The following PADI6 variants were observed in gnomAD, a reference collection of about 807,000 sequenced individuals.
PADI6 encodes the protein inactive protein-arginine deiminase type-6.
A neutral mutation model predicts 78.2 loss-of-function variants in PADI6; 66 were observed. That is an observed-to-expected ratio of 0.84 (90% CI 0.69 to 1.04). The LOEUF (loss-of-function observed/expected upper bound fraction) is 1.04. PADI6 is among the 50% of genes least tolerant of loss of function. PADI6 has a pLI of 0.00. For missense variants in PADI6, 854 were observed against 866.1 expected (o/e 0.99, Z 0.18); for synonymous variants, 397 against 346.9 (o/e 1.14, Z -1.60).
chr1:17,375,572 A>C, intron 3 of PADI6, 73 bp downstream of exon 3: 1 of 1,372,646 alleles, frequency 7.3e-7, no homozygotes, highest in Non-Finnish European at 1.0e-6. Context: ...GGATTGTAGG[A>C]GGAGCCAAAA....
chr1:17,388,040 G>A (rs547473517), intron 6 of PADI6, among the ~76,000 whole-genome samples: 15 of 152,210 alleles, frequency 9.9e-5, no homozygotes, highest in East Asian at 1.9e-4. Context: ...TGATATTATC[G>A]CAGGAGTTGG....
At chr1:17,375,975 CT>C (rs575076756) in intron 3 of PADI6, among the ~76,000 whole-genome samples, 2 of 150,352 alleles carry the variant, frequency 1.3e-5, no homozygotes, top group East Asian at 1.9e-4. Context: ...ATAACATCTA[CT>C]TTTTTTTTCT....
At position 17,372,321 on chromosome 1, in the gene PADI6, G is replaced by A. The variant is rs762417543; in HGVS notation, c.76G>A (p.Val26Ile). The A allele has an allele frequency of 1.8e-5, 29 of 1,613,872 alleles. No individual in the cohort carries two copies. Among genetic ancestry groups the A allele is most frequent in the African/African-American group, 6.7e-5 (5 of 74,924 alleles). Reference sequence around the variant, plus strand: ...GTCCCTGGACAGCCCTGTCCATGCCGTTTGTGTGTTGGGCACAGAAATCTG... The same window carrying A: ...GTCCCTGGACAGCCCTGTCCATGCCATTTGTGTGTTGGGCACAGAAATCTG... ...HLSLDSPVHA[V>I]CVLGTEICLD... The change falls in exon 1 of 16, where the codon GTT (valine) becomes ATT (isoleucine). Residue 26 changes from valine to isoleucine, a missense_variant. Transcript: ENST00000619609.
In PADI6 at chr1:17,398,669, C is replaced by G. The variant is rs763235327; in HGVS notation, c.1690-17C>G. 2 of 233,720 alleles carry G rather than the reference C, an allele frequency of 8.6e-6. No homozygotes were observed. Among genetic ancestry groups the G allele is most frequent in the Non-Finnish European group, 1.7e-5 (2 of 118,652 alleles). 14.5% of individuals were successfully genotyped at this position (233,720 alleles called of 1,614,324 possible). A position where few individuals can be genotyped will look rare whatever the true frequency, so the allele number is the denominator to read the frequency against. The stretch of plus-strand genomic sequence containing the variant: ...TTGCTCCCCCGCCCCCCCCCCCACC[C>G]ACCCACCCACCCACAGAAGTGCATT... On this transcript the variant is annotated splice_polypyrimidine_tract_variant and intron_variant, in intron 14 of 15. Coordinates refer to ENST00000619609, the MANE Select transcript of PADI6 (RefSeq NM_207421.4).
intron 6 of PADI6, among the ~76,000 whole-genome samples, chr1:17,383,839 T>G (rs992391125): frequency 2.0e-5 from 3 of 151,004 alleles, no homozygotes; most frequent in African/African-American, 7.3e-5. Context: ...AAAATAATTT[T>G]TTTAAAAAAA....
chr1:17,399,472 G>A (rs1258619663), intron 15 of PADI6, among the ~76,000 whole-genome samples: 1 of 152,106 alleles, frequency 6.6e-6, no homozygotes, highest in Non-Finnish European at 1.5e-5. Context: ...GCACATGCCT[G>A]TAATCCCAGC....
At chr1:17,376,977 A>G (rs2075025713) in intron 3 of PADI6, among the ~76,000 whole-genome samples, 1 of 151,872 alleles carries the variant, frequency 6.6e-6, no homozygotes, top group Admixed American at 6.6e-5. Flanking sequence ...GCCTCAAACG[A>G]TCCTCTCACC....
Position 17,394,964 on chromosome 1 carries a change from G to C in PADI6, c.1351G>C (p.Ala451Pro), listed in dbSNP as rs750313437. 1.2e-6 allele frequency: 2 copies of C among 1,612,154 alleles called. No homozygotes were observed. Among genetic ancestry groups the C allele is most frequent in the South Asian group, 2.2e-5 (2 of 90,954 alleles). Residue 451 changes from alanine to proline, a missense_variant, in exon 12 of 16, where the codon GCC (alanine) becomes CCC (proline). Physicochemically the swap from Ala to Pro is conservative, Grantham distance 27. Coordinates refer to ENST00000619609, the MANE Select transcript of PADI6 (RefSeq NM_207421.4). ...SSFYPSAEGRAMSKTLRDFLY... is the reference protein window; with the variant it reads ...SSFYPSAEGRPMSKTLRDFLY... Reference sequence around the variant, plus strand: ...TCTTCCTTCTAGCGCAGAGGGCCGGGCCATGAGTAAGACCCTCCGAGACTT... The same window carrying C: ...TCTTCCTTCTAGCGCAGAGGGCCGGCCCATGAGTAAGACCCTCCGAGACTT...
intron 7 of PADI6, 39 bp from the exon 8 acceptor site, chr1:17,388,738 G>A (rs774804640): frequency 9.4e-6 from 15 of 1,587,354 alleles, no homozygotes; most frequent in Middle Eastern, 1.7e-4. Flanking sequence ...GCGAGTAAAT[G>A]TGGAAGCAGG....
chr1:17,384,333 C>T (rs896535811), intron 6 of PADI6, among the ~76,000 whole-genome samples: 3 of 152,190 alleles, frequency 2.0e-5, no homozygotes, highest in Admixed American at 1.3e-4. Flanking sequence ...TTGGCTCACA[C>T]CTGTAATCCC....
In PADI6 at chr1:17,372,206, G is replaced by A; in HGVS notation, c.-40G>A. ...GCAGGGTGAGCCCTGGGGCGTCTGA[G>A]GCTGCTGTGCTGAGTGAGGGCTGCG... On this transcript the variant is annotated 5_prime_UTR_variant, in exon 1 of 16. Transcript: ENST00000619609. 6.3e-7 allele frequency: 1 copy of A among 1,579,352 alleles called. No individual in the cohort carries two copies. Among genetic ancestry groups the A allele is most frequent in the Non-Finnish European group, 8.7e-7 (1 of 1,148,568 alleles).
At chr1:17,398,950 C>T (rs962688121) in intron 15 of PADI6, 103 bp downstream of exon 15, 29 of 1,292,024 alleles carry the variant, frequency 2.2e-5, no homozygotes, top group East Asian at 2.2e-4. Flanking sequence ...CAGCAGATAA[C>T]GGTACCTATG....
chr1:17,380,033 A>G (rs966883369), intron 4 of PADI6, 46 bp downstream of exon 4: 4 of 1,582,110 alleles, frequency 2.5e-6, no homozygotes, highest in Non-Finnish European at 3.5e-6. Flanking sequence ...CCTATAAGCC[A>G]AATCTGCCCA....
At chr1:17,395,704 C>A in intron 13 of PADI6, 41 bp downstream of exon 13, 1 of 1,575,224 alleles carries the variant, frequency 6.3e-7, no homozygotes, top group Non-Finnish European at 8.7e-7. Context: ...CTGGGGTCTT[C>A]CTTTTTCCAG....
intron 13 of PADI6, among the ~76,000 whole-genome samples, chr1:17,396,572 G>T (rs1403545234): frequency 6.6e-6 from 1 of 152,124 alleles, no homozygotes; most frequent in Non-Finnish European, 1.5e-5. Context: ...GGAACTCCTG[G>T]TCATAGAAGC....
chr1:17,390,097 C>G (rs1180387210), intron 8 of PADI6, among the ~76,000 whole-genome samples: 1 of 151,476 alleles, frequency 6.6e-6, no homozygotes, highest in African/African-American at 2.4e-5. Context: ...GTCGGAAGTT[C>G]GAGACCAGCC....
At chr1:17,398,031 C>T (rs2075263231) in intron 14 of PADI6, among the ~76,000 whole-genome samples, 2 of 152,192 alleles carry the variant, frequency 1.3e-5, no homozygotes, top group Admixed American at 6.5e-5. Flanking sequence ...GAATCATTGG[C>T]TATAAGAAGC....
chr1:17,372,526 C>T (rs368417620), intron 1 of PADI6, among the ~76,000 whole-genome samples, 165 bp downstream of exon 1: 8 of 152,250 alleles, frequency 5.3e-5, no homozygotes, highest in East Asian at 1.9e-4. Flanking sequence ...GTTCCAACCA[C>T]GCAGAATTCT....
At chr1:17,376,911 T>C (rs1321165208) in intron 3 of PADI6, among the ~76,000 whole-genome samples, 1 of 152,226 alleles carries the variant, frequency 6.6e-6, no homozygotes, top group African/African-American at 2.4e-5. Flanking sequence ...TGAGACAGTC[T>C]CACTCTGTAG....
Sources: gnomAD v4.1 joint callset for allele counts (sites outside exome capture counted in the v4.1 genomes callset) on GRCh38, gnomAD v4.1.1 for gene constraint, MANE v1.5 for transcripts, NCBI Gene and HGNC (gene_info 2026-07-23, HGNC 2026-07-21) for gene names.